Variants in SV2B observed in about 807,000 individuals in gnomAD.
SV2B encodes the protein solute carrier family 22 member B2.
In SV2B, 41 loss-of-function variants were observed where a neutral mutation model predicts 73.9. The observed-to-expected ratio is 0.56, with a 90% CI of 0.43 to 0.72. The LOEUF is 0.72. Among genes scored for constraint, SV2B ranks in the 30% least tolerant of loss-of-function variants. The pLI is 0.00. For synonymous variants in SV2B, 314 were observed against 314.2 expected (o/e 1.00, Z 0.01); for missense variants, 764 against 857.8 (o/e 0.89, Z 1.37).
In SV2B at chr15:91,226,009, G is replaced by T. The variant is rs1293496463; in HGVS notation, c.-255G>T. ...GCAACACTTCTGAGTCTCTGAAGGA[G>T]ACCAGAGCTTGAAACTTTCCAGACT... is the stretch of plus-strand genomic sequence containing the variant. On this transcript the variant is annotated 5_prime_UTR_variant, in exon 2 of 13. Transcript: ENST00000394232. The T allele has an allele frequency of 2.0e-6, 1 of 502,470 alleles. No homozygotes were observed. The highest frequency in any genetic ancestry group is 3.8e-5 in the Admixed American group (1 of 26,610). 31.1% of individuals were successfully genotyped at this position (502,470 alleles called of 1,614,324 possible). A position where few individuals can be genotyped will look rare whatever the true frequency, so the allele number is the denominator to read the frequency against.
chr15:91,217,123 C>T (rs145173060), intron 1 of SV2B, among the ~76,000 whole-genome samples: 3,027 of 152,202 alleles, frequency 0.02, 33 homozygotes, highest in Middle Eastern at 0.048. Flanking sequence ...ATGATCTGCC[C>T]GCCTCAGCAT....
chr15:91,129,407 G>A lies in SV2B; in HGVS notation c.-392+29044G>A, dbSNP rs751316963. The stretch of plus-strand genomic sequence containing the variant: ...ATGAAGGGGGAGAAATCAATTGTCC[G>A]GAGATGGAACTGGGGGAGGAAGGAG... On this transcript the variant is annotated intron_variant, in intron 1 of 12. Coordinates refer to ENST00000394232, the MANE Select transcript of SV2B (RefSeq NM_001323032.3). The surrounding 1 kb of genome is among the most constrained non-coding windows in gnomAD (Gnocchi z 5.1). Among the ~76,000 whole-genome samples, 1 of 152,192 alleles carries A rather than the reference G, an allele frequency of 6.6e-6. No homozygotes were observed. The highest frequency in any genetic ancestry group is 1.5e-5 in the Non-Finnish European group (1 of 68,042).
chr15:91,257,271 A>G (rs1362528746), intron 4 of SV2B, among the ~76,000 whole-genome samples: 1 of 152,194 alleles, frequency 6.6e-6, no homozygotes, highest in African/African-American at 2.4e-5. Context: ...TTCACACATG[A>G]CAAATCTATG....
chr15:91,157,822 A>G (rs958891793), intron 1 of SV2B, among the ~76,000 whole-genome samples: 3 of 152,134 alleles, frequency 2.0e-5, no homozygotes, highest in African/African-American at 7.2e-5. Flanking sequence ...AGTGTCTTCC[A>G]CCACCTGAGC....
At chr15:91,179,472 T>A (rs562965850) in intron 1 of SV2B, among the ~76,000 whole-genome samples, 13 of 152,306 alleles carry the variant, frequency 8.5e-5, no homozygotes, top group African/African-American at 2.9e-4. Flanking sequence ...CTCGTTGATC[T>A]GTCTAATGTT....
rs1055737022 is a variant in SV2B at position 91,240,687 on chromosome 15, A to G, written c.452-11132A>G. ...TGCCACCAAGATCAGGACTAATTTC[A>G]TTATGCTCTTTATCCCTGTATGTCA... On this transcript the variant is annotated intron_variant, in intron 2 of 12. Coordinates refer to ENST00000394232, the MANE Select transcript of SV2B (RefSeq NM_001323032.3). This position sits in a 1 kb window ranked among gnomAD's most constrained non-coding sequence, Gnocchi z 4.6. Among the ~76,000 whole-genome samples, 7 of 152,074 alleles carry G rather than the reference A, an allele frequency of 4.6e-5. No individual in the cohort carries two copies. In the South Asian group the frequency reaches 8.3e-4, roughly 18 times the overall value.
intron 9 of SV2B, among the ~76,000 whole-genome samples, chr15:91,275,696 C>T (rs1277718679): frequency 6.6e-6 from 1 of 152,132 alleles, no homozygotes; most frequent in African/African-American, 2.4e-5. Context: ...CATGGTGTTG[C>T]ATGCCTGTGG....
intron 1 of SV2B, among the ~76,000 whole-genome samples, chr15:91,199,117 A>G (rs2045368285): frequency 6.6e-6 from 1 of 152,176 alleles, no homozygotes; most frequent in South Asian, 2.1e-4. Flanking sequence ...CTCCTGCCAC[A>G]GTCTCCTGAG....
chr15:91,166,803 CTTTTG>C (rs796384945), intron 1 of SV2B, among the ~76,000 whole-genome samples: 29 of 149,652 alleles, frequency 1.9e-4, no homozygotes, highest in African/African-American at 5.2e-4. Flanking sequence ...TATAGTTTTT[CTTTTG>C]TTTTCTTTTC....
chr15:91,124,088 C>T lies in SV2B; in HGVS notation c.-392+23725C>T, dbSNP rs2042410594. Among the ~76,000 whole-genome samples the T allele has an allele frequency of 6.6e-6, 1 of 152,152 alleles. No homozygotes were observed. The highest frequency in any genetic ancestry group is 1.5e-5 in the Non-Finnish European group (1 of 68,036). ...CACTCCTCATTATGGGAAAATCATC[C>T]TGGGTAAACACCAAGGTGGGCAAAC... On this transcript the variant is annotated intron_variant, in intron 1 of 12. Coordinates refer to ENST00000394232, the MANE Select transcript of SV2B (RefSeq NM_001323032.3). The surrounding 1 kb of genome is among the most constrained non-coding windows in gnomAD (Gnocchi z 4.6).
intron 2 of SV2B, among the ~76,000 whole-genome samples, chr15:91,235,524 C>G (rs1182214931): frequency 6.6e-6 from 1 of 152,050 alleles, no homozygotes; most frequent in Non-Finnish European, 1.5e-5. Context: ...AGATTAAGAG[C>G]AATTTCACAA....
At chr15:91,262,425 A>G (rs1439414305) in intron 6 of SV2B, among the ~76,000 whole-genome samples, 2 of 152,220 alleles carry the variant, frequency 1.3e-5, no homozygotes. Context: ...TGCTTCTAAA[A>G]TATCTGAAAT....
In SV2B at chr15:91,292,837, C is replaced by A. The variant is rs2049093214; in HGVS notation, c.*285C>A. ...GAGGATTCTCCAGTGAGTGCACACA[C>A]TATGCGAGGAGCAAGCATTTCTCTA... On this transcript the variant is annotated 3_prime_UTR_variant, in exon 13 of 13. Transcript: ENST00000394232. 2 of 273,186 alleles carry A rather than the reference C, an allele frequency of 7.3e-6. No individual in the cohort carries two copies. The highest frequency in any genetic ancestry group is 1.0e-4 in the Admixed American group (2 of 19,226). The allele number at this position is 273,186 out of a possible 1,614,324, so 16.9% of individuals were successfully genotyped here.
intron 2 of SV2B, among the ~76,000 whole-genome samples, chr15:91,244,220 A>T (rs1310090426): frequency 2.6e-5 from 4 of 152,358 alleles, no homozygotes; most frequent in Admixed American, 6.5e-5. Flanking sequence ...TGACAAATTG[A>T]AATTATTATA....
chr15:91,179,173 A>G (rs1036643348), intron 1 of SV2B, among the ~76,000 whole-genome samples: 12 of 152,006 alleles, frequency 7.9e-5, no homozygotes, highest in African/African-American at 2.4e-4. Context: ...TCAGGAGCAG[A>G]TTGTTCAGTT....
intron 1 of SV2B, among the ~76,000 whole-genome samples, chr15:91,178,443 A>G (rs2044412457): frequency 1.3e-5 from 2 of 151,822 alleles, no homozygotes; most frequent in South Asian, 4.2e-4. Flanking sequence ...TTTTCTGTTG[A>G]TTGGAATAGT....
chr15:91,279,334 A>AT (rs1184624791), intron 9 of SV2B, among the ~76,000 whole-genome samples: 2 of 152,248 alleles, frequency 1.3e-5, no homozygotes, highest in Non-Finnish European at 2.9e-5. Flanking sequence ...TGGACTAACC[A>AT]TTGGGCCTGA....
intron 1 of SV2B, among the ~76,000 whole-genome samples, chr15:91,126,131 C>A (rs1000035269): frequency 6.6e-6 from 1 of 152,140 alleles, no homozygotes; most frequent in Non-Finnish European, 1.5e-5. Flanking sequence ...CACTGAGTTC[C>A]AAATACCACC....
intron 1 of SV2B, among the ~76,000 whole-genome samples, chr15:91,176,754 T>C (rs570748447): frequency 7.3e-4 from 111 of 151,932 alleles, no homozygotes; most frequent in African/African-American, 2.5e-3. Flanking sequence ...TTTTTTCTTG[T>C]AAATTTGTTT....
Sources: gnomAD v4.1 joint callset for allele counts (sites outside exome capture counted in the v4.1 genomes callset) on GRCh38, gnomAD v4.1.1 for gene constraint, Gnocchi (gnomAD v3.1) non-coding constraint, MANE v1.5 for transcripts, NCBI Gene and HGNC (gene_info 2026-07-23, HGNC 2026-07-21) for gene names.